DCC: variants seen among roughly 807,000 people sequenced by gnomAD.
The protein encoded by DCC is netrin receptor DCC.
In DCC, 58 loss-of-function variants were observed where a neutral mutation model predicts 172.5. That is an observed-to-expected ratio of 0.34 (90% CI 0.27 to 0.42). The LOEUF is 0.42. Ranked by LOEUF, DCC falls within the 10% of genes least tolerant of loss-of-function variation. The pLI, the probability that DCC is intolerant of heterozygous loss-of-function variation, is 1.00. For missense variants in DCC, 1,740 were observed against 1,791.0 expected, an observed-to-expected ratio of 0.97 and a Z score of 0.51; for synonymous variants, 709 against 644.5, an observed-to-expected ratio of 1.10 and a Z score of -1.52.
At chr18:53,167,766 C>T (rs1044517737) in intron 8 of DCC, among the ~76,000 whole-genome samples, 3 of 152,030 alleles carry the variant, frequency 2.0e-5, no homozygotes, top group Non-Finnish European at 2.9e-5. Context: ...CAAAGTGATA[C>T]ATAATACACT....
intron 5 of DCC, among the ~76,000 whole-genome samples, chr18:52,966,940 A>G (rs1299173620): frequency 9.2e-5 from 14 of 152,186 alleles, no homozygotes; most frequent in Admixed American, 9.2e-4. Context: ...GAGGAAACTC[A>G]ACAGCGATTT....
At chr18:52,520,162 A>G (rs1004718112) in intron 1 of DCC, among the ~76,000 whole-genome samples, 3 of 152,094 alleles carry the variant, frequency 2.0e-5, no homozygotes, top group African/African-American at 7.2e-5. Context: ...AGCCCTCAAA[A>G]CATGAGCCCC....
intron 2 of DCC, among the ~76,000 whole-genome samples, chr18:52,812,620 C>G (rs1382819052): frequency 1.3e-5 from 2 of 152,176 alleles, no homozygotes; most frequent in Non-Finnish European, 2.9e-5. Flanking sequence ...GGGTAGAACT[C>G]AGAATAGATA....
In DCC at chr18:53,459,253, T is replaced by A. The variant is rs756111972; in HGVS notation, c.3414T>A (p.Ala1138=). The change falls in exon 24 of 29, where the codon GCT becomes GCA. Residue 1138 remains alanine, a synonymous_variant. Coordinates refer to ENST00000442544, the MANE Select transcript of DCC (RefSeq NM_005215.4). ...ATAGGAAACGGGCCACCCACAGTGC[T>A]GGCAAAAGGAAGGGCAGCCAGAAGG... ...QQRKKRATHS[A]GKRKGSQKDL... is the part of the protein sequence containing the mutation. The A allele has an allele frequency of 1.2e-6, 2 of 1,614,116 alleles. No individual in the cohort carries two copies. The highest frequency in any genetic ancestry group is 3.3e-5 in the Admixed American group (2 of 60,004).
chr18:52,600,673 C>T (rs2033998393), intron 1 of DCC, among the ~76,000 whole-genome samples: 1 of 152,096 alleles, frequency 6.6e-6, no homozygotes, highest in Admixed American at 6.6e-5. Context: ...TCTTTAATCA[C>T]TTTCAATAAA....
intron 9 of DCC, among the ~76,000 whole-genome samples, chr18:53,181,086 T>G (rs1387684902): frequency 1.3e-5 from 2 of 152,164 alleles, no homozygotes; most frequent in Non-Finnish European, 2.9e-5. Context: ...GGTCAACAAT[T>G]TAAAAACTCT....
intron 5 of DCC, among the ~76,000 whole-genome samples, chr18:52,959,819 A>G (rs990724499): frequency 3.3e-5 from 5 of 152,150 alleles, no homozygotes; most frequent in African/African-American, 1.2e-4. Flanking sequence ...ATACTATTCA[A>G]AGAATTTCAT....
intron 8 of DCC, among the ~76,000 whole-genome samples, chr18:53,159,623 T>C (rs1351204054): frequency 6.6e-6 from 1 of 152,190 alleles, no homozygotes; most frequent in Non-Finnish European, 1.5e-5. Context: ...TTCAGACTTC[T>C]TTCAATGGAA....
intron 2 of DCC, among the ~76,000 whole-genome samples, chr18:52,814,076 C>T (rs2038245716): frequency 6.6e-6 from 1 of 152,204 alleles, no homozygotes. Context: ...ATCTGTTTCT[C>T]TGGAGAACCC....
At chr18:53,395,740 T>G (rs974474041) in intron 17 of DCC, among the ~76,000 whole-genome samples, 1 of 152,182 alleles carries the variant, frequency 6.6e-6, no homozygotes, top group African/African-American at 2.4e-5. Flanking sequence ...TCTCCCAGGT[T>G]CAAGCAATTC....
intron 2 of DCC, among the ~76,000 whole-genome samples, chr18:52,885,346 A>G (rs1007909147): frequency 1.1e-4 from 16 of 152,096 alleles, no homozygotes; most frequent in African/African-American, 3.4e-4. Flanking sequence ...CTCTTCTACT[A>G]TGGTTAAGCT....
intron 5 of DCC, among the ~76,000 whole-genome samples, chr18:52,997,624 C>T (rs146880764): frequency 3.3e-5 from 5 of 152,162 alleles, no homozygotes; most frequent in East Asian, 1.9e-4. Flanking sequence ...GTGCATTGTG[C>T]AGTATGGTAC....
At chr18:53,060,076 T>C (rs1405863646) in intron 5 of DCC, among the ~76,000 whole-genome samples, 1 of 149,340 alleles carries the variant, frequency 6.7e-6, no homozygotes, top group Non-Finnish European at 1.5e-5. Flanking sequence ...CAATAGCGGC[T>C]CACTGCAAAC....
chr18:53,293,715 G>A (rs2057032952), intron 12 of DCC, among the ~76,000 whole-genome samples: 1 of 152,108 alleles, frequency 6.6e-6, no homozygotes, highest in Non-Finnish European at 1.5e-5. Flanking sequence ...TAGCATGCCA[G>A]TTTGGGGCTA....
At chr18:52,535,391 C>T (rs148481855) in intron 1 of DCC, among the ~76,000 whole-genome samples, 33 of 152,296 alleles carry the variant, frequency 2.2e-4, no homozygotes, top group African/African-American at 7.5e-4. Context: ...AAGAAAAGAA[C>T]AATTGTTGTA....
chr18:52,855,226 C>CT (rs1344470439), intron 2 of DCC, among the ~76,000 whole-genome samples: 1 of 152,176 alleles, frequency 6.6e-6, no homozygotes, highest in Non-Finnish European at 1.5e-5. Flanking sequence ...ACTTTTTCTC[C>CT]TTATCCCAAG....
In DCC at chr18:53,402,900, A is replaced by ATCTCCACTT. The variant is rs745603671; in HGVS notation, c.2935+12_2935+20dup. 7.6e-6 allele frequency: 12 copies of ATCTCCACTT among 1,588,688 alleles called. No individual in the cohort carries two copies. The African/African-American group carries it at 1.3e-4, about 18-fold the overall frequency. On this transcript the variant is annotated splice_region_variant and intron_variant, in intron 19 of 28. Coordinates refer to ENST00000442544, the MANE Select transcript of DCC (RefSeq NM_005215.4). ...GCCAATGGGAAAATTACTGGTAAGC[A>ATCTCCACTT]TCTCCACTTTCTCTCCCAGCATAGC... is the stretch of plus-strand genomic sequence containing the variant.
chr18:53,358,997 G>T (rs930624349), intron 15 of DCC, among the ~76,000 whole-genome samples: 2 of 152,066 alleles, frequency 1.3e-5, no homozygotes, highest in Admixed American at 6.6e-5. Flanking sequence ...AGAAATGTTG[G>T]GTGGAGAATT....
At chr18:53,339,947 T>G in intron 15 of DCC, 40 bp downstream of exon 15, 3 of 1,544,796 alleles carry the variant, frequency 1.9e-6, no homozygotes, top group Non-Finnish European at 2.7e-6. Context: ...TAAGGGGAAT[T>G]AATGATTTAT....
Sources: gnomAD v4.1 joint callset for allele counts (sites outside exome capture counted in the v4.1 genomes callset) on GRCh38, gnomAD v4.1.1 for gene constraint, MANE v1.5 for transcripts, NCBI Gene and HGNC (gene_info 2026-07-23, HGNC 2026-07-21) for gene names.